Variants in CNTN4 observed in about 807,000 individuals in gnomAD.
CNTN4 encodes contactin 4, also known as contactin-4.
CNTN4 carries 77 observed loss-of-function variants against 122.5 expected under a neutral mutation model. The observed-to-expected ratio is 0.63, with a 90% CI of 0.52 to 0.76. The LOEUF (loss-of-function observed/expected upper bound fraction) is 0.76. Ranked by LOEUF, CNTN4 falls within the 30% of genes least tolerant of loss-of-function variation. CNTN4 has a pLI of 0.00. For missense variants in CNTN4, 1,256 were observed against 1,259.1 expected, an observed-to-expected ratio of 1.00 and a Z score of 0.04; for synonymous variants, 512 against 447.0, an observed-to-expected ratio of 1.15 and a Z score of -1.83.
At chr3:2,899,319 C>T (rs972004084) in intron 10 of CNTN4, among the ~76,000 whole-genome samples, 4 of 152,160 alleles carry the variant, frequency 2.6e-5, no homozygotes, top group African/African-American at 9.7e-5. Context: ...AGTGAAGATA[C>T]TGAGGTCAAG....
rs75236912 is a variant in CNTN4 at position 2,194,391 on chromosome 3, G to C, written c.-145+93752G>C. Among the ~76,000 whole-genome samples, 868 of 152,258 alleles carry C rather than the reference G, an allele frequency of 5.7e-3. 12 individuals carry two copies. Among genetic ancestry groups the C allele is most frequent in the African/African-American group, 0.02 (821 of 41,540 alleles). On this transcript the variant is annotated intron_variant, in intron 2 of 24. Coordinates refer to ENST00000418658, the MANE Select transcript of CNTN4 (RefSeq NM_175607.3). ...CCCAAAGATCACTTGAGCCTGAGAG[G>C]TTGAGGCTGGAGGAAACCATGATCG...
At chr3:2,916,957 G>A (rs1225441370) in intron 12 of CNTN4, among the ~76,000 whole-genome samples, 1 of 142,274 alleles carries the variant, frequency 7.0e-6, no homozygotes, top group African/African-American at 2.6e-5. Flanking sequence ...AGGCGGCTGG[G>A]AGGTGGAGGT....
chr3:2,260,751 A>G (rs1397235154), intron 2 of CNTN4, among the ~76,000 whole-genome samples: 2 of 150,008 alleles, frequency 1.3e-5, no homozygotes, highest in Admixed American at 6.6e-5. Context: ...TTGAGACAAG[A>G]GTCTCGCTCT....
intron 14 of CNTN4, among the ~76,000 whole-genome samples, chr3:3,012,274 A>G (rs1044673728): frequency 2.0e-5 from 3 of 152,064 alleles, no homozygotes; most frequent in Admixed American, 6.5e-5. Context: ...ATTCAACAAA[A>G]TATCAGTTGA....
chr3:2,290,453 T>G (rs866784291), intron 2 of CNTN4, among the ~76,000 whole-genome samples: 1 of 152,162 alleles, frequency 6.6e-6, no homozygotes, highest in Non-Finnish European at 1.5e-5. Flanking sequence ...CTTAGTAAGG[T>G]CTGTGGTTGC....
chr3:2,871,254 A>G (rs954382382), intron 8 of CNTN4, among the ~76,000 whole-genome samples: 1 of 152,216 alleles, frequency 6.6e-6, no homozygotes, highest in East Asian at 1.9e-4. Context: ...ATGTGTCATA[A>G]TTGAAAGTAC....
chr3:2,898,357 A>T (rs914708692), intron 10 of CNTN4, among the ~76,000 whole-genome samples: 4 of 152,324 alleles, frequency 2.6e-5, no homozygotes, highest in Admixed American at 1.3e-4. Context: ...TCTCCCACAG[A>T]CACTGAATTT....
At position 2,479,438 on chromosome 3, in the gene CNTN4, A is replaced by G. The variant is rs77854353; in HGVS notation, c.-88-91978A>G. 7.3e-3 allele frequency among the ~76,000 whole-genome samples: 1,119 copies of G among 152,358 alleles called. 16 individuals are homozygous for G. The highest frequency in any genetic ancestry group is 0.026 in the African/African-American group (1,067 of 41,590). On this transcript the variant is annotated intron_variant, in intron 3 of 24. Transcript: ENST00000418658. Reference sequence around the variant, plus strand: ...CAACTCATGCGCCTTGAAGGTCACCATAAGTGAACAGAATGTAGAGGAAGG... The same window carrying G: ...CAACTCATGCGCCTTGAAGGTCACCGTAAGTGAACAGAATGTAGAGGAAGG...
At chr3:2,901,876 C>G (rs749909099) in intron 11 of CNTN4, among the ~76,000 whole-genome samples, 17 of 152,118 alleles carry the variant, frequency 1.1e-4, no homozygotes, top group Non-Finnish European at 2.4e-4. Flanking sequence ...GGTCTGGTGT[C>G]TCACTGTCTG....
chr3:2,686,377 A>G (rs1417078948), intron 4 of CNTN4, among the ~76,000 whole-genome samples: 1 of 152,064 alleles, frequency 6.6e-6, no homozygotes, highest in Non-Finnish European at 1.5e-5. Flanking sequence ...AAAGGCAGTG[A>G]CCACGTCACC....
chr3:3,032,267 G>A (rs1699229010), intron 16 of CNTN4, among the ~76,000 whole-genome samples: 2 of 152,160 alleles, frequency 1.3e-5, no homozygotes, highest in African/African-American at 2.4e-5. Context: ...AAAGAATTCT[G>A]TTGCTGAAAA....
intron 4 of CNTN4, among the ~76,000 whole-genome samples, chr3:2,708,696 G>A (rs1336269918): frequency 1.3e-5 from 2 of 149,920 alleles, no homozygotes; most frequent in South Asian, 4.3e-4. Flanking sequence ...CAGAGAGCAC[G>A]TCCATGCACG....
intron 3 of CNTN4, among the ~76,000 whole-genome samples, chr3:2,462,353 T>G (rs1181405010): frequency 6.6e-6 from 1 of 152,160 alleles, no homozygotes; most frequent in Non-Finnish European, 1.5e-5. Context: ...GGGGGCTCAT[T>G]AATTATTACA....
intron 13 of CNTN4, among the ~76,000 whole-genome samples, chr3:2,959,748 C>T (rs1024766846): frequency 1.3e-5 from 2 of 151,914 alleles, no homozygotes; most frequent in East Asian, 1.9e-4. Context: ...TTATTCCAGA[C>T]GTAAATTTCC....
chr3:2,213,131 A>T (rs1256526434), intron 2 of CNTN4, among the ~76,000 whole-genome samples: 1 of 152,216 alleles, frequency 6.6e-6, no homozygotes, highest in Non-Finnish European at 1.5e-5. Flanking sequence ...ACTGTTTTAA[A>T]GTATCAGAAA....
Position 2,733,767 on chromosome 3 carries a change from CTCA to C in CNTN4, c.56-2446_56-2444del, listed in dbSNP as rs1189863550. On this transcript the variant is annotated intron_variant, in intron 4 of 24. Transcript: ENST00000418658. ...GCCAGGCTGGTCTCAAATGCCTGAC[CTCA>C]TGATCCACCCACCTCGGCCTCCCAA... Among the ~76,000 whole-genome samples, 7 of 152,170 alleles carry C rather than the reference CTCA, an allele frequency of 4.6e-5. No homozygotes were observed. The East Asian group carries it at 1.4e-3, about 29-fold the overall frequency.
intron 7 of CNTN4, among the ~76,000 whole-genome samples, chr3:2,840,700 A>C (rs916587852): frequency 2.0e-5 from 3 of 151,518 alleles, no homozygotes; most frequent in Non-Finnish European, 2.9e-5. Flanking sequence ...CTCCGTCTCC[A>C]AAAAATAAAA....
intron 2 of CNTN4, among the ~76,000 whole-genome samples, chr3:2,160,837 C>A (rs2035936028): frequency 6.6e-6 from 1 of 152,150 alleles, no homozygotes; most frequent in South Asian, 2.1e-4. Context: ...TCCATAAATT[C>A]AATCAATATG....
rs545374253 is a variant in CNTN4 at position 2,561,707 on chromosome 3, G to C, written c.-88-9709G>C. Among the ~76,000 whole-genome samples, 23 of 152,310 alleles carry C rather than the reference G, an allele frequency of 1.5e-4. No individual in the cohort carries two copies. The South Asian group carries it at 3.7e-3, about 25-fold the overall frequency. ...ATGAAAGAGGAAAGTGAGGCTAACAGAGGTTAAATGACTTGCCCAAGAACA... is the reference window on the plus strand; with the variant it reads ...ATGAAAGAGGAAAGTGAGGCTAACACAGGTTAAATGACTTGCCCAAGAACA... On this transcript the variant is annotated intron_variant, in intron 3 of 24. Coordinates refer to ENST00000418658, the MANE Select transcript of CNTN4 (RefSeq NM_175607.3).
Sources: gnomAD v4.1 joint callset for allele counts (sites outside exome capture counted in the v4.1 genomes callset) on GRCh38, gnomAD v4.1.1 for gene constraint, MANE v1.5 for transcripts, NCBI Gene and HGNC (gene_info 2026-07-23, HGNC 2026-07-21) for gene names.